Variants in P4HA3 observed in about 807,000 individuals in gnomAD.
P4HA3 encodes the protein prolyl 4-hydroxylase subunit alpha-3.
In P4HA3, 60 loss-of-function variants were observed where a neutral mutation model predicts 66.7. That is an observed-to-expected ratio of 0.90 (90% CI 0.73 to 1.12). The LOEUF (loss-of-function observed/expected upper bound fraction) is 1.12. P4HA3 is among the 50% of genes most tolerant of loss of function. The pLI, the probability that P4HA3 is intolerant of heterozygous loss-of-function variation, is 0.00. For synonymous variants in P4HA3, 263 were observed against 274.6 expected, an observed-to-expected ratio of 0.96 and a Z score of 0.42; for missense variants, 683 against 685.8, an observed-to-expected ratio of 1.00 and a Z score of 0.05.
At chr11:74,263,336 T>A (rs1415681496), downstream of P4HA3, among the ~76,000 whole-genome samples, 1 of 152,226 alleles carries the variant, frequency 6.6e-6, no homozygotes, top group African/African-American at 2.4e-5. Flanking sequence ...CCATTAGGCA[T>A]CAGTGGCACA....
At chr11:74,295,340 C>A (rs977138536) in intron 4 of P4HA3, among the ~76,000 whole-genome samples, 1 of 152,166 alleles carries the variant, frequency 6.6e-6, no homozygotes, top group African/African-American at 2.4e-5. Context: ...TCAACATAGT[C>A]AAAAGGAAAT....
At chr11:74,272,706 G>A (rs1047776985) in intron 10 of P4HA3, among the ~76,000 whole-genome samples, 2 of 152,180 alleles carry the variant, frequency 1.3e-5, no homozygotes, top group Non-Finnish European at 2.9e-5. Context: ...CTGGGGTGAG[G>A]GATGTCTGCT....
At chr11:74,290,592 T>C (rs1471237757) in intron 4 of P4HA3, among the ~76,000 whole-genome samples, 1 of 151,976 alleles carries the variant, frequency 6.6e-6, no homozygotes, top group Non-Finnish European at 1.5e-5. Flanking sequence ...AACATTTAAG[T>C]CTTTAATCCA....
chr11:74,289,690 G>T (rs1042639799), intron 4 of P4HA3, among the ~76,000 whole-genome samples: 1 of 147,822 alleles, frequency 6.8e-6, no homozygotes, highest in South Asian at 2.1e-4. Context: ...GTGAGAACAT[G>T]GGGTGTTTGG....
intron 8 of P4HA3, among the ~76,000 whole-genome samples, chr11:74,278,489 T>C (rs1461331491): frequency 6.6e-6 from 1 of 152,182 alleles, no homozygotes; most frequent in Non-Finnish European, 1.5e-5. Context: ...TCCAGCGAAG[T>C]TGTGAGGACA....
intron 1 of P4HA3, among the ~76,000 whole-genome samples, chr11:74,307,840 G>A (rs1861618958): frequency 6.6e-6 from 1 of 152,012 alleles, no homozygotes; most frequent in African/African-American, 2.4e-5. Context: ...TTTGCCTTTG[G>A]AATTCAGAAA....
chr11:74,255,005 T>C (rs1029504264), intron 15 of P4HA3, among the ~76,000 whole-genome samples: 3 of 152,234 alleles, frequency 2.0e-5, no homozygotes, highest in Non-Finnish European at 2.9e-5. Flanking sequence ...GCTTCACTTA[T>C]GTGAAACTTC....
At chr11:74,268,046 G>T in intron 12 of P4HA3, 99 bp downstream of exon 12, 1 of 1,034,918 alleles carries the variant, frequency 9.7e-7, no homozygotes, top group Non-Finnish European at 1.5e-6. Flanking sequence ...GTAATGAAGC[G>T]TTTGGAATGG....
intron 15 of P4HA3, chr11:74,250,667 C>T (rs765551781): frequency 1.7e-5 from 6 of 353,232 alleles, no homozygotes; most frequent in Non-Finnish European, 2.1e-5. Flanking sequence ...TACTCCCCTA[C>T]TGGACTGTAA....
At chr11:74,291,118 C>T (rs1861007226) in intron 4 of P4HA3, among the ~76,000 whole-genome samples, 1 of 152,106 alleles carries the variant, frequency 6.6e-6, no homozygotes, top group African/African-American at 2.4e-5. Flanking sequence ...TCTTTTATTT[C>T]CTTGAGCAGT....
chr11:74,252,378 C>T (rs554769172), intron 15 of P4HA3: 1 of 451,928 alleles, frequency 2.2e-6, no homozygotes, highest in African/African-American at 2.0e-5. Flanking sequence ...ATTATAGGCA[C>T]AAGCCACCGC....
In P4HA3 at chr11:74,285,808, C is replaced by T. The variant is rs1489524420; in HGVS notation, c.1110+1G>A. On this transcript the variant is annotated splice_donor_variant, in intron 7 of 12. Coordinates refer to ENST00000331597, the MANE Select transcript of P4HA3 (RefSeq NM_182904.5). LOFTEE classifies it high-confidence loss of function. ...TCTTGGCGGGTTCTCAGGACACTCA[C>T]CCATGGTTCTGCAAGTTCTCTAATT... 6.2e-7 allele frequency: 1 copy of T among 1,613,484 alleles called. No individual in the cohort carries two copies.
intron 1 of P4HA3, 38 bp from the exon 2 acceptor site, chr11:74,304,450 C>T: frequency 2.5e-6 from 4 of 1,609,122 alleles, no homozygotes; most frequent in Non-Finnish European, 3.4e-6. Flanking sequence ...CCTCCTGATA[C>T]AACCACTACA....
At chr11:74,256,429 A>G (rs1859832319) in intron 15 of P4HA3, among the ~76,000 whole-genome samples, 1 of 152,224 alleles carries the variant, frequency 6.6e-6, no homozygotes, top group Non-Finnish European at 1.5e-5. Flanking sequence ...GCAAGGAAGC[A>G]AAAGCTCAGA....
intron 15 of P4HA3, chr11:74,255,918 G>C (rs745764882): frequency 1.5e-5 from 8 of 516,260 alleles, no homozygotes; most frequent in Non-Finnish European, 2.7e-5. Flanking sequence ...TTCTCTCACC[G>C]GAACACTTTG....
At chr11:74,283,865 G>C (rs1271734022) in intron 7 of P4HA3, among the ~76,000 whole-genome samples, 2 of 151,946 alleles carry the variant, frequency 1.3e-5, no homozygotes, top group Non-Finnish European at 2.9e-5. Flanking sequence ...TTTAGAGGAA[G>C]CCTTGCTTTT....
At chr11:74,252,255 T>TG (rs1358899075) in intron 15 of P4HA3, among the ~76,000 whole-genome samples, 1 of 150,542 alleles carries the variant, frequency 6.6e-6, no homozygotes, top group African/African-American at 2.4e-5. Context: ...TTTTTTGTTT[T>TG]TTTTTTTTTT....
Position 74,276,848 on chromosome 11 carries a change from G to T in P4HA3, c.1335+137C>A, listed in dbSNP as rs141373476. On this transcript the variant is annotated intron_variant, in intron 9 of 12. Transcript: ENST00000331597. ...AATATGCTTGAAACTAAGGCTTTCAGATATTTCTGGAAAAAGAACCTTTGT... is the reference window on the plus strand; with the variant it reads ...AATATGCTTGAAACTAAGGCTTTCATATATTTCTGGAAAAAGAACCTTTGT... 83 of 994,058 alleles carry T rather than the reference G, an allele frequency of 8.3e-5. No homozygotes were observed. In the African/African-American group the frequency reaches 1.2e-3, roughly 15 times the overall value. 61.6% of individuals were successfully genotyped at this position (994,058 alleles called of 1,614,324 possible).
In P4HA3 at chr11:74,286,212, C is replaced by T; in HGVS notation, c.933+16G>A. On this transcript the variant is annotated intron_variant, in intron 6 of 12. Coordinates refer to ENST00000331597, the MANE Select transcript of P4HA3 (RefSeq NM_182904.5). ...GCCAGGCCTCTCCCCCTTTCTCTTT[C>T]CCTGAGGAATCCTACCTGGGAACCC... is the stretch of plus-strand genomic sequence containing the variant. The T allele has an allele frequency of 6.2e-7, 1 of 1,609,648 alleles. No individual in the cohort carries two copies. The highest frequency in any genetic ancestry group is 8.5e-7 in the Non-Finnish European group (1 of 1,178,636).
Sources: allele counts gnomAD v4.1 joint callset (sites outside exome capture counted in the v4.1 genomes callset), GRCh38; gene constraint gnomAD v4.1.1; transcripts MANE v1.5; gene names NCBI Gene and HGNC (gene_info 2026-07-23, HGNC 2026-07-21).